NCS1: variants seen among roughly 807,000 people sequenced by gnomAD.
NCS1 encodes frequenin homolog.
NCS1 carries 6 observed loss-of-function variants against 28.4 expected under a neutral mutation model. The observed-to-expected ratio is 0.21, with a 90% CI of 0.12 to 0.42. The LOEUF (loss-of-function observed/expected upper bound fraction) is 0.42. NCS1 is among the 10% of genes least tolerant of loss of function. NCS1 has a pLI of 1.00. For synonymous variants in NCS1, 86 were observed against 99.3 expected, an observed-to-expected ratio of 0.87 and a Z score of 0.79; for missense variants, 131 against 241.4, an observed-to-expected ratio of 0.54 and a Z score of 3.03.
At chr9:130,201,981 C>T (rs1194502026) in intron 2 of NCS1, among the ~76,000 whole-genome samples, 1 of 152,206 alleles carries the variant, frequency 6.6e-6, no homozygotes, top group Non-Finnish European at 1.5e-5. Flanking sequence ...AAGGCTCAGC[C>T]CAAGTCGCCT....
At chr9:130,182,542 G>A (rs1195687003) in intron 1 of NCS1, among the ~76,000 whole-genome samples, 3 of 152,246 alleles carry the variant, frequency 2.0e-5, no homozygotes, top group Non-Finnish European at 4.4e-5. Flanking sequence ...CTCCAGGAAG[G>A]AGGCAGAGTT....
Position 130,236,328 on chromosome 9 carries a change from G to C in NCS1, c.*3356G>C, listed in dbSNP as rs1833592476. Reference sequence around the variant, plus strand: ...GCTAAGGAAGCGCGGCGCGCCCCCTGGTGGTGGTAAGCCGCCAACGCACCT... The same window carrying C: ...GCTAAGGAAGCGCGGCGCGCCCCCTCGTGGTGGTAAGCCGCCAACGCACCT... On this transcript the variant is annotated 3_prime_UTR_variant, in exon 8 of 8. Coordinates refer to ENST00000372398, the MANE Select transcript of NCS1 (RefSeq NM_014286.4). 6.6e-6 allele frequency: 1 copy of C among 152,110 alleles called. No individual in the cohort carries two copies. Among genetic ancestry groups the C allele is most frequent in the Non-Finnish European group, 1.5e-5 (1 of 68,012 alleles). 9.4% of individuals were successfully genotyped at this position (152,110 alleles called of 1,614,324 possible).
intron 7 of NCS1, among the ~76,000 whole-genome samples, chr9:130,230,240 A>G (rs942370894): frequency 1.3e-5 from 2 of 152,066 alleles, no homozygotes; most frequent in South Asian, 2.1e-4. Flanking sequence ...AATCCCAGCT[A>G]TTTGGGAGGC....
rs1270893141 is a variant in NCS1 at position 130,219,595 on chromosome 9, C to G, written c.229-130C>G. ...TCGCCCCCCATTCCTTCGAGCCTGC[C>G]CTCTCCACCTGAGTGTCCATTGGCC... On this transcript the variant is annotated intron_variant, in intron 3 of 7. Transcript: ENST00000372398. This position sits in a 1 kb window ranked among gnomAD's most constrained non-coding sequence, Gnocchi z 5.7. The G allele has an allele frequency of 3.7e-6, 3 of 801,938 alleles. No individual in the cohort carries two copies. In the East Asian group the frequency reaches 7.9e-5, roughly 21 times the overall value. The allele number at this position is 801,938 out of a possible 1,614,324, so 49.7% of individuals were successfully genotyped here. A position where few individuals can be genotyped will look rare whatever the true frequency, so the allele number is the denominator to read the frequency against.
At chr9:130,224,292 T>TAAA (rs782488225) in intron 6 of NCS1, among the ~76,000 whole-genome samples, 5 of 61,738 alleles carry the variant, frequency 8.1e-5, no homozygotes, top group Non-Finnish European at 1.6e-4. Context: ...CTTTCTCTAC[T>TAAA]AAAAAAAAAA....
At chr9:130,213,163 C>G (rs1274235916) in intron 2 of NCS1, among the ~76,000 whole-genome samples, 3 of 152,218 alleles carry the variant, frequency 2.0e-5, no homozygotes, top group Non-Finnish European at 2.9e-5. Context: ...AGCCCTGGGT[C>G]TGAGCCCTGT....
chr9:130,230,981 C>CT lies in NCS1; in HGVS notation c.*18-1999dup, dbSNP rs528712320. Reference sequence around the variant, plus strand: ...TATTCTAGTTTCCTGTTATCTTACTCTTTTTTTTTTAACTTTGTTTACTGA... The same window carrying CT: ...TATTCTAGTTTCCTGTTATCTTACTCTTTTTTTTTTTAACTTTGTTTACTGA... On this transcript the variant is annotated intron_variant, in intron 7 of 7. Coordinates refer to ENST00000372398, the MANE Select transcript of NCS1 (RefSeq NM_014286.4). Among the ~76,000 whole-genome samples, 64 of 149,758 alleles carry CT rather than the reference C, an allele frequency of 4.3e-4. 1 individual carries two copies. Among genetic ancestry groups the CT allele is most frequent in the African/African-American group, 6.4e-4 (26 of 40,940 alleles).
intron 3 of NCS1, 66 bp downstream of exon 3, chr9:130,218,036 C>T (rs1554909637): frequency 5.7e-6 from 9 of 1,592,446 alleles, no homozygotes; most frequent in Non-Finnish European, 7.7e-6. Flanking sequence ...GCAGCGTCTC[C>T]ACACCCACTC....
rs1832590149 is a variant in NCS1, at chr9:130,177,534, C to T, written c.64+4807C>T. ...GTGCGTGGGCATGAACCAAGGAGGCCTTTCCTTTCTCTGACAGTGGAGCAG... is the reference window on the plus strand; with the variant it reads ...GTGCGTGGGCATGAACCAAGGAGGCTTTTCCTTTCTCTGACAGTGGAGCAG... On this transcript the variant is annotated intron_variant, in intron 1 of 7. Coordinates refer to ENST00000372398, the MANE Select transcript of NCS1 (RefSeq NM_014286.4). The surrounding 1 kb of genome is among the most constrained non-coding windows in gnomAD (Gnocchi z 4.4). Among the ~76,000 whole-genome samples, 1 of 152,214 alleles carries T rather than the reference C, an allele frequency of 6.6e-6. No individual in the cohort carries two copies. Among genetic ancestry groups the T allele is most frequent in the African/African-American group, 2.4e-5 (1 of 41,464 alleles).
At position 130,211,010 on chromosome 9, in the gene NCS1, A is replaced by ATTTT. The variant is rs34425557; in HGVS notation, c.90-6804_90-6801dup. ...CAAGCCACTGTGCCCGGCTCCACTA[A>ATTTT]TTTTTTTTTTTTTTTTTTTTTGTAG... On this transcript the variant is annotated intron_variant, in intron 2 of 7. Transcript: ENST00000372398. Among the ~76,000 whole-genome samples the ATTTT allele has an allele frequency of 1.4e-3, 125 of 92,372 alleles. 5 individuals are homozygous for ATTTT. Among genetic ancestry groups the ATTTT allele is most frequent in the Non-Finnish European group, 1.7e-3 (86 of 50,996 alleles). 60.6% of individuals were successfully genotyped at this position (92,372 alleles called of 152,430 possible). A position where few individuals can be genotyped will look rare whatever the true frequency, so the allele number is the denominator to read the frequency against.
chr9:130,202,810 C>T (rs1554907587), intron 2 of NCS1, among the ~76,000 whole-genome samples: 1 of 151,744 alleles, frequency 6.6e-6, no homozygotes, highest in Admixed American at 6.6e-5. Flanking sequence ...GAGCTCCTGA[C>T]CTCAAGTGAT....
At chr9:130,228,153 T>C (rs1242071517) in intron 7 of NCS1, among the ~76,000 whole-genome samples, 1 of 151,978 alleles carries the variant, frequency 6.6e-6, no homozygotes, top group Non-Finnish European at 1.5e-5. Context: ...TATAGCATAA[T>C]CTTGGAAGTG....
intron 2 of NCS1, among the ~76,000 whole-genome samples, chr9:130,202,122 G>A (rs1554907522): frequency 6.6e-6 from 1 of 152,174 alleles, no homozygotes; most frequent in African/African-American, 2.4e-5. Context: ...CAGACCTCAG[G>A]GTGAAGTCCT....
At chr9:130,203,068 G>GTGTGTGTGTATACACATACATATATA (rs1832976798) in intron 2 of NCS1, among the ~76,000 whole-genome samples, 1 of 151,172 alleles carries the variant, frequency 6.6e-6, no homozygotes, top group Non-Finnish European at 1.5e-5. Context: ...GTGTGTGTGT[G>GTGTGTGTGTATACACATACATATATA]TGTGTGTGTG....
In NCS1 at chr9:130,192,664, C is replaced by T. The variant is rs914945150; in HGVS notation, c.65-8294C>T. On this transcript the variant is annotated intron_variant, in intron 1 of 7. Coordinates refer to ENST00000372398, the MANE Select transcript of NCS1 (RefSeq NM_014286.4). The surrounding 1 kb of genome is among the most constrained non-coding windows in gnomAD (Gnocchi z 4.8). Reference sequence around the variant, plus strand: ...CCCACCCAGGAACACCAGCATATATCCCCGGGGCCTTCTGAAATCACCTGA... The same window carrying T: ...CCCACCCAGGAACACCAGCATATATTCCCGGGGCCTTCTGAAATCACCTGA... Among the ~76,000 whole-genome samples, 35 of 152,084 alleles carry T rather than the reference C, an allele frequency of 2.3e-4. No homozygotes were observed. Among genetic ancestry groups the T allele is most frequent in the African/African-American group, 8.5e-4 (35 of 41,400 alleles).
chr9:130,210,832 C>A (rs1345213589), intron 2 of NCS1, among the ~76,000 whole-genome samples: 1 of 149,910 alleles, frequency 6.7e-6, no homozygotes, highest in Non-Finnish European at 1.5e-5. Flanking sequence ...ACACCTTTTT[C>A]TTTTTCTTTT....
Position 130,232,673 on chromosome 9 carries a change from C to G in NCS1, c.*18-317C>G, listed in dbSNP as rs1833513771. Among the ~76,000 whole-genome samples the G allele has an allele frequency of 6.6e-6, 1 of 152,096 alleles. No homozygotes were observed. The highest frequency in any genetic ancestry group is 1.5e-5 in the Non-Finnish European group (1 of 68,024). On this transcript the variant is annotated intron_variant, in intron 7 of 7. Transcript: ENST00000372398. The surrounding 1 kb of genome is among the most constrained non-coding windows in gnomAD (Gnocchi z 4.4). ...TGGTGGCGGGCGCCTGTAATCCCAGCTACTTGGGAGGCTGAGGCAGGAGAA... is the reference window on the plus strand; with the variant it reads ...TGGTGGCGGGCGCCTGTAATCCCAGGTACTTGGGAGGCTGAGGCAGGAGAA...
chr9:130,172,597 C>T lies in NCS1; in HGVS notation c.-67C>T, dbSNP rs1468303476. 2.1e-6 allele frequency: 2 copies of T among 961,854 alleles called. No homozygotes were observed. Among genetic ancestry groups the T allele is most frequent in the African/African-American group, 1.8e-5 (1 of 56,138 alleles). 59.6% of individuals were successfully genotyped at this position (961,854 alleles called of 1,614,324 possible). On this transcript the variant is annotated 5_prime_UTR_variant, in exon 1 of 8. Transcript: ENST00000372398. ...GCGGCCCCGGCCCGGCCCGCCCGGC[C>T]CAGCCGCTCCTGCTGGGCGCCCCAA...
rs1354304772 is a variant in NCS1 at position 130,209,567 on chromosome 9, G to C, written c.90-8265G>C. ...GTTGCGGGCGGGCATCCGGGACTGA[G>C]GGGGGCGAGGTGCTTGGAGTCTCCT... On this transcript the variant is annotated intron_variant, in intron 2 of 7. Coordinates refer to ENST00000372398, the MANE Select transcript of NCS1 (RefSeq NM_014286.4). The surrounding 1 kb of genome is among the most constrained non-coding windows in gnomAD (Gnocchi z 4.4). Among the ~76,000 whole-genome samples, 2 of 152,202 alleles carry C rather than the reference G, an allele frequency of 1.3e-5. No homozygotes were observed. Among genetic ancestry groups the C allele is most frequent in the African/African-American group, 4.8e-5 (2 of 41,454 alleles).
Sources: allele counts gnomAD v4.1 joint callset (sites outside exome capture counted in the v4.1 genomes callset), GRCh38; gene constraint gnomAD v4.1.1; non-coding constraint Gnocchi (gnomAD v3.1); transcripts MANE v1.5; gene names NCBI Gene and HGNC (gene_info 2026-07-23, HGNC 2026-07-21).